PTBP2: variants seen among roughly 807,000 people sequenced by gnomAD.
The protein encoded by PTBP2 is polypyrimidine tract-binding protein 2.
Under a neutral mutation model 61.4 loss-of-function variants are expected in PTBP2, and 13 were observed. The ratio of observed to expected loss-of-function variants is 0.21; its 90% CI spans 0.14 to 0.34. PTBP2 has a LOEUF of 0.34. Among genes scored for constraint, PTBP2 ranks in the 10% least tolerant of loss-of-function variants. The pLI is 1.00. For missense variants in PTBP2, 405 were observed against 642.6 expected (o/e 0.63, Z 4.00); for synonymous variants, 215 against 218.5 (o/e 0.98, Z 0.14).
At chr1:96,732,122 A>C (rs1299629596) in intron 2 of PTBP2, among the ~76,000 whole-genome samples, 1 of 152,190 alleles carries the variant, frequency 6.6e-6, no homozygotes, top group African/African-American at 2.4e-5. Flanking sequence ...TTCTGAAAGT[A>C]CTGGTTGTAA....
At chr1:96,812,984 A>G (rs2101271599) in intron 12 of PTBP2, 45 bp from the exon 13 acceptor site, 3 of 1,594,274 alleles carry the variant, frequency 1.9e-6, no homozygotes, top group South Asian at 2.2e-5. Flanking sequence ...AAAATATGAA[A>G]TTTATTCTTA....
In PTBP2 at chr1:96,814,520, T is replaced by C. The variant is rs955848213; in HGVS notation, c.*1115T>C. The C allele has an allele frequency of 2.0e-5, 3 of 152,506 alleles. No homozygotes were observed. Among genetic ancestry groups the C allele is most frequent in the Non-Finnish European group, 4.4e-5 (3 of 67,952 alleles). 9.4% of individuals were successfully genotyped at this position (152,506 alleles called of 1,614,324 possible). A position where few individuals can be genotyped will look rare whatever the true frequency, so the allele number is the denominator to read the frequency against. On this transcript the variant is annotated 3_prime_UTR_variant, in exon 14 of 14. Transcript: ENST00000674951. The stretch of plus-strand genomic sequence containing the variant: ...TAATAAATCTTCAAAATATTTTGTA[T>C]TTAGGAATAGATCTGACTTTAATAA...
intron 2 of PTBP2, 78 bp from the exon 3 acceptor site, chr1:96,751,347 A>G: frequency 9.0e-7 from 1 of 1,115,180 alleles, no homozygotes; most frequent in Non-Finnish European, 1.4e-6. Flanking sequence ...GTAACATTTG[A>G]CATTTAAGTG....
intron 9 of PTBP2, 52 bp from the exon 10 acceptor site, chr1:96,806,367 C>T (rs1571020182): frequency 3.6e-6 from 5 of 1,380,198 alleles, no homozygotes; most frequent in East Asian, 4.6e-5. Context: ...CGCTCTTCCT[C>T]GACTCTTCTC....
chr1:96,725,712 CA>C (rs1190010010), intron 2 of PTBP2, among the ~76,000 whole-genome samples: 3 of 152,060 alleles, frequency 2.0e-5, no homozygotes, highest in African/African-American at 7.2e-5. Context: ...GGCCTGTGTA[CA>C]AGTAATTAAG....
chr1:96,804,428 A>G (rs1347471532), intron 8 of PTBP2, among the ~76,000 whole-genome samples: 1 of 152,156 alleles, frequency 6.6e-6, no homozygotes, highest in Non-Finnish European at 1.5e-5. Context: ...GTCGAAAGTG[A>G]TACTTTTTTA....
chr1:96,806,159 A>T (rs1273615436), intron 9 of PTBP2, among the ~76,000 whole-genome samples: 1 of 149,792 alleles, frequency 6.7e-6, no homozygotes, highest in Non-Finnish European at 1.5e-5. Flanking sequence ...CCAAATGCCC[A>T]TTCCCTTCCC....
intron 3 of PTBP2, among the ~76,000 whole-genome samples, chr1:96,759,643 A>G (rs1655566746): frequency 1.3e-5 from 2 of 152,350 alleles, no homozygotes; most frequent in East Asian, 1.9e-4. Context: ...ATTTCTTAAA[A>G]TAGAAAAATC....
At chr1:96,724,838 C>G (rs1650168086) in intron 2 of PTBP2, among the ~76,000 whole-genome samples, 1 of 151,904 alleles carries the variant, frequency 6.6e-6, no homozygotes, top group African/African-American at 2.4e-5. Context: ...CTCATGTACC[C>G]TAAAACTTAA....
chr1:96,817,133 T>G (rs965118270), downstream of PTBP2: 4 of 152,144 alleles, frequency 2.6e-5, no homozygotes, highest in African/African-American at 7.2e-5. Flanking sequence ...TAGACTGCAC[T>G]TAAGATTTCA....
At chr1:96,750,730 A>G (rs1480696935) in intron 2 of PTBP2, among the ~76,000 whole-genome samples, 1 of 152,108 alleles carries the variant, frequency 6.6e-6, no homozygotes, top group African/African-American at 2.4e-5. Context: ...ACTAAGGCAA[A>G]ACAGTTGATT....
At chr1:96,734,829 CA>C (rs1651926657) in intron 2 of PTBP2, among the ~76,000 whole-genome samples, 1 of 151,060 alleles carries the variant, frequency 6.6e-6, no homozygotes, top group Non-Finnish European at 1.5e-5. Flanking sequence ...ATGTTTTTCC[CA>C]GGAACATTTC....
rs5776325 is a variant in PTBP2 at position 96,802,211 on chromosome 1, GAAAAAAAAA to G, written c.905-2575_905-2567del. On this transcript the variant is annotated intron_variant, in intron 8 of 13. Transcript: ENST00000674951. ...GAGAGACACAGCGAGACTCCGTCTC[GAAAAAAAAA>G]AAAAAAAAAAAAAGAACCCACATTA... Among the ~76,000 whole-genome samples, 51 of 54,036 alleles carry G rather than the reference GAAAAAAAAA, an allele frequency of 9.4e-4. 1 individual carries two copies. In the East Asian group the frequency reaches 0.023, roughly 24 times the overall value. The allele number at this position is 54,036 out of a possible 152,430, so 35.4% of individuals were successfully genotyped here. A position where few individuals can be genotyped will look rare whatever the true frequency, so the allele number is the denominator to read the frequency against.
chr1:96,739,650 G>A (rs565851402), intron 2 of PTBP2, among the ~76,000 whole-genome samples: 192 of 131,658 alleles, frequency 1.5e-3, no homozygotes, highest in African/African-American at 4.5e-3. Flanking sequence ...TTTTTGAGAC[G>A]GAGTCTTACT....
Position 96,785,096 on chromosome 1 carries a change from C to T in PTBP2, c.746C>T (p.Thr249Ile). The stretch of plus-strand genomic sequence containing the variant: ...CAGAATATTTATAATGCCTGCTGTA[C>T]CCTAAGGATTGATTTTTCCAAACTT... ...DGQNIYNACC[T>I]LRIDFSKLVN... Residue 249 changes from threonine (T) to isoleucine (I), a missense_variant, in exon 8 of 14, where the codon ACC (threonine) becomes ATC (isoleucine). Thr to Ile is a moderately conservative substitution (Grantham distance 89). Coordinates refer to ENST00000674951, the MANE Select transcript of PTBP2 (RefSeq NM_021190.4). The T allele has an allele frequency of 6.2e-7, 1 of 1,606,512 alleles. No homozygotes were observed. The highest frequency in any genetic ancestry group is 8.5e-7 in the Non-Finnish European group (1 of 1,175,686).
intron 2 of PTBP2, among the ~76,000 whole-genome samples, chr1:96,726,074 C>CAAAAAAAAAAAAAA (rs762152365): frequency 1.7e-4 from 9 of 54,216 alleles, no homozygotes; most frequent in Non-Finnish European, 2.6e-4. Context: ...GACTCTATCT[C>CAAAAAAAAAAAAAA]AAAAAAAAAA....
intron 3 of PTBP2, among the ~76,000 whole-genome samples, chr1:96,768,908 C>G (rs182238635): frequency 5.9e-5 from 9 of 151,886 alleles, no homozygotes; most frequent in Admixed American, 5.9e-4. Context: ...ATTCTTTGAT[C>G]CCACCTTCAA....
intron 2 of PTBP2, among the ~76,000 whole-genome samples, chr1:96,727,329 T>G (rs1650714356): frequency 6.6e-6 from 1 of 152,218 alleles, no homozygotes; most frequent in Admixed American, 6.5e-5. Context: ...GTTTTCCGTT[T>G]TGAGCTAATA....
chr1:96,789,034 C>T (rs1659501732), intron 8 of PTBP2, among the ~76,000 whole-genome samples: 1 of 152,002 alleles, frequency 6.6e-6, no homozygotes, highest in Non-Finnish European at 1.5e-5. Context: ...ATTGAGACAT[C>T]ATTATAATGG....
Sources: allele counts gnomAD v4.1 joint callset (sites outside exome capture counted in the v4.1 genomes callset), GRCh38; gene constraint gnomAD v4.1.1; transcripts MANE v1.5; gene names NCBI Gene and HGNC (gene_info 2026-07-23, HGNC 2026-07-21).